Variants in SLC3A2 observed in about 807,000 individuals in gnomAD.
The protein encoded by SLC3A2 is solute carrier family 3 member 2, also known as amino acid transporter heavy chain SLC3A2.
A neutral mutation model predicts 48.5 loss-of-function variants in SLC3A2; 32 were observed. The ratio of observed to expected loss-of-function variants is 0.66; its 90% CI spans 0.50 to 0.89. The LOEUF (loss-of-function observed/expected upper bound fraction) is 0.89, where lower values mean the gene tolerates loss of function less well. Among genes scored for constraint, SLC3A2 ranks in the 40% least tolerant of loss-of-function variants. The pLI is 0.00. For synonymous variants in SLC3A2, 277 were observed against 288.8 expected (o/e 0.96, Z 0.41); for missense variants, 587 against 680.7 (o/e 0.86, Z 1.53).
intron 1 of SLC3A2, among the ~76,000 whole-genome samples, chr11:62,868,712 G>A (rs971794025): frequency 2.6e-5 from 4 of 152,156 alleles, no homozygotes; most frequent in African/African-American, 7.2e-5. Context: ...CTCCTAGAAC[G>A]GATGTACCAA....
At chr11:62,878,628 G>T (rs112834592), upstream of SLC3A2, among the ~76,000 whole-genome samples, 2,840 of 148,666 alleles carry the variant, frequency 0.019, 86 homozygotes, top group African/African-American at 0.067. Flanking sequence ...ACCACGCCTG[G>T]CTGATTTTTT....
chr11:62,859,575 C>T (rs575519178), intron 1 of SLC3A2, among the ~76,000 whole-genome samples: 15 of 152,062 alleles, frequency 9.9e-5, no homozygotes, highest in African/African-American at 3.6e-4. Flanking sequence ...CGATTGTAAT[C>T]CTAGCTACTT....
rs1209539107 is a variant in SLC3A2 at position 62,872,656 on chromosome 11, G to T, written c.113-8363G>T. 6.6e-5 allele frequency among the ~76,000 whole-genome samples: 10 copies of T among 152,186 alleles called. No homozygotes were observed. The East Asian group carries it at 1.9e-3, about 29-fold the overall frequency. ...TCACTCTTCTTGGCCAGGCTAGAGT[G>T]CAATGGCTCGATCTCGGCTCACTGC... On this transcript the variant is annotated intron_variant, in intron 1 of 9. Coordinates refer to the SLC3A2 transcript ENST00000377889.
Position 62,885,451 on chromosome 11 carries a change from G to C in SLC3A2, c.1000-14G>C, listed in dbSNP as rs375255890. The C allele has an allele frequency of 4.7e-5, 76 of 1,614,038 alleles. No homozygotes were observed. The highest frequency in any genetic ancestry group is 5.8e-5 in the Non-Finnish European group (69 of 1,180,026). On this transcript the variant is annotated splice_polypyrimidine_tract_variant and intron_variant, in intron 6 of 8. Transcript: ENST00000338663. Reference sequence around the variant, plus strand: ...GGTGGGTTATGGGGCTCACTGGAGTGTCTCTCCCTGTAGTTGTCTCAGGCA... The same window carrying C: ...GGTGGGTTATGGGGCTCACTGGAGTCTCTCTCCCTGTAGTTGTCTCAGGCA...
rs868066778 is a variant in SLC3A2 at position 62,882,255 on chromosome 11, G to T, written c.598+189G>T. ...GTCTGGGGGCTTTCTACTTGGCTGT[G>T]GAATCTTGAGCAGGTCATTTAACTT... On this transcript the variant is annotated intron_variant, in intron 2 of 8. Coordinates refer to ENST00000338663, the MANE Select transcript of SLC3A2 (RefSeq NM_001013251.3). 15 of 649,518 alleles carry T rather than the reference G, an allele frequency of 2.3e-5. No individual in the cohort carries two copies. In the African/African-American group the frequency reaches 2.6e-4, roughly 11 times the overall value. 40.2% of individuals were successfully genotyped at this position (649,518 alleles called of 1,614,324 possible).
chr11:62,888,599 A>G lies in SLC3A2; in HGVS notation c.1496A>G (p.Gln499Arg). The G allele has an allele frequency of 6.2e-7, 1 of 1,612,920 alleles. No individual in the cohort carries two copies. Among genetic ancestry groups the G allele is most frequent in the Non-Finnish European group, 8.5e-7 (1 of 1,180,022 alleles). The change falls in exon 9 of 9, where the codon CAG becomes CGG. Residue 499 changes from glutamine (Q) to arginine (R), a missense_variant. Around this residue, in one of 3 missense-constraint regions of SLC3A2, gnomAD observed 169 missense variants for 204.4 expected, o/e 0.83. Transcript: ENST00000338663. The part of the protein sequence containing the change: ...PAKADLLLST[Q>R]PGREEGSPLE... ...AAGGCTGACCTCCTGCTCAGCACCC[A>G]GCCAGGCCGTGAGGAGGGCTCCCCT...
chr11:62,876,546 G>C (rs2134999099), upstream of SLC3A2, among the ~76,000 whole-genome samples: 1 of 152,110 alleles, frequency 6.6e-6, no homozygotes, highest in South Asian at 2.1e-4. Context: ...TCTTTTCTCT[G>C]TAGTCTTTTT....
intron 7 of SLC3A2, chr11:62,887,801 CTT>C: frequency 1.0e-5 from 2 of 193,412 alleles, no homozygotes; most frequent in Non-Finnish European, 2.1e-5. Flanking sequence ...GGGCCCAGGG[CTT>C]TTTTTTTGAG....
intron 1 of SLC3A2, among the ~76,000 whole-genome samples, chr11:62,862,280 G>A (rs1380705780): frequency 7.5e-6 from 1 of 133,650 alleles, no homozygotes; most frequent in Non-Finnish European, 1.5e-5. Context: ...GCAACGATGA[G>A]CTGAGATCAC....
At chr11:62,878,285 C>T (rs1398712142), upstream of SLC3A2, among the ~76,000 whole-genome samples, 1 of 152,114 alleles carries the variant, frequency 6.6e-6, no homozygotes, top group Non-Finnish European at 1.5e-5. Flanking sequence ...AGTTCTCAAC[C>T]TTGTTCTTAC....
chr11:62,886,280 C>CT (rs886591598), intron 7 of SLC3A2, among the ~76,000 whole-genome samples: 4 of 146,606 alleles, frequency 2.7e-5, no homozygotes, highest in Admixed American at 2.7e-4. Flanking sequence ...CAGAGGGAGA[C>CT]TCCTTCTCCA....
chr11:62,888,059 A>G (rs894475754), intron 7 of SLC3A2, 76 bp from the exon 8 acceptor site: 15 of 1,343,736 alleles, frequency 1.1e-5, no homozygotes, highest in Non-Finnish European at 1.6e-5. Flanking sequence ...GACCTCCCAG[A>G]CTGCTGGAAT....
intron 1 of SLC3A2, among the ~76,000 whole-genome samples, chr11:62,875,245 T>C (rs1365799892): frequency 6.6e-6 from 1 of 152,176 alleles, no homozygotes; most frequent in Non-Finnish European, 1.5e-5. Context: ...TCTCTGCCTT[T>C]AGAAATCCTT....
intron 1 of SLC3A2, among the ~76,000 whole-genome samples, chr11:62,863,034 G>C (rs1011350750): frequency 3.9e-5 from 6 of 152,126 alleles, no homozygotes; most frequent in Admixed American, 1.3e-4. Flanking sequence ...CGATTCTCTT[G>C]CCTCAGCCTC....
At chr11:62,882,570 C>A in intron 2 of SLC3A2, 1 of 300,740 alleles carries the variant, frequency 3.3e-6, no homozygotes, top group Non-Finnish European at 6.5e-6. Flanking sequence ...CTGCAGCCTC[C>A]TCCCCCAGGG....
intron 8 of SLC3A2, 51 bp from the exon 9 acceptor site, chr11:62,888,280 G>C (rs1415334403): frequency 1.2e-6 from 2 of 1,609,530 alleles, no homozygotes; most frequent in South Asian, 1.1e-5. Context: ...GTAGAAGTCT[G>C]TACCCAGGGG....
chr11:62,880,791 CCCT>C, upstream of SLC3A2: 1 of 797,416 alleles, frequency 1.3e-6, no homozygotes, highest in Non-Finnish European at 1.9e-6. Flanking sequence ...GACTTTACTA[CCCT>C]GAGCCGCCCA....
Position 62,873,036 on chromosome 11 carries a change from T to G in SLC3A2, c.113-7983T>G, listed in dbSNP as rs1190539680. Among the ~76,000 whole-genome samples the G allele has an allele frequency of 3.3e-5, 5 of 152,118 alleles. No individual in the cohort carries two copies. In the South Asian group the frequency reaches 1.0e-3, roughly 32 times the overall value. ...TATTGATTATAAAATATATATATAT[T>G]TTTCAGACAGGGTCTCGCTCTGTGG... On this transcript the variant is annotated intron_variant, in intron 1 of 9. Transcript: ENST00000377889.
intron 1 of SLC3A2, chr11:62,871,552 A>T (rs977768149): frequency 9.6e-6 from 6 of 621,972 alleles, no homozygotes; most frequent in Non-Finnish European, 1.2e-5. Context: ...ACTTTATATA[A>T]TATTATTATT....
Sources: allele counts gnomAD v4.1 joint callset (sites outside exome capture counted in the v4.1 genomes callset), GRCh38; gene constraint gnomAD v4.1.1; regional missense constraint gnomAD v4.1.1; transcripts MANE v1.5; gene names NCBI Gene and HGNC (gene_info 2026-07-23, HGNC 2026-07-21).